Variants in STXBP5 observed in about 807,000 individuals in gnomAD.
STXBP5 encodes syntaxin-binding protein 5.
In STXBP5, 50 loss-of-function variants were observed where a neutral mutation model predicts 152.4. That is an observed-to-expected ratio of 0.33 (90% confidence interval 0.26 to 0.42). The LOEUF is 0.42. STXBP5 is among the 10% of genes least tolerant of loss of function. The pLI, the probability that STXBP5 is intolerant of heterozygous loss-of-function variation, is 1.00. For synonymous variants in STXBP5, 492 were observed against 494.7 expected (o/e 0.99, Z 0.07); for missense variants, 1,167 against 1,388.6 (o/e 0.84, Z 2.54).
chr6:147,335,376 C>T (rs1196590920), intron 19 of STXBP5, among the ~76,000 whole-genome samples: 1 of 152,110 alleles, frequency 6.6e-6, no homozygotes, highest in Admixed American at 6.5e-5. Flanking sequence ...AATGTTCTGA[C>T]TTTCTCATCT....
intron 21 of STXBP5, among the ~76,000 whole-genome samples, chr6:147,342,710 G>A (rs1784148139): frequency 6.6e-6 from 1 of 151,984 alleles, no homozygotes; most frequent in African/African-American, 2.4e-5. Flanking sequence ...AAAGTATAGA[G>A]TTTCACAAAG....
chr6:147,364,335 A>G (rs906902071), intron 25 of STXBP5, among the ~76,000 whole-genome samples, 169 bp downstream of exon 25: 3 of 152,358 alleles, frequency 2.0e-5, no homozygotes, highest in African/African-American at 7.2e-5. Context: ...TCCCATGATT[A>G]AAAGTATCAT....
chr6:147,261,738 T>C (rs1171670413), intron 5 of STXBP5, among the ~76,000 whole-genome samples: 1 of 151,976 alleles, frequency 6.6e-6, no homozygotes, highest in Non-Finnish European at 1.5e-5. Context: ...ATGGCTCTCA[T>C]GAAATGGAGT....
At chr6:147,325,902 CAATT>C (rs1483071588) in intron 17 of STXBP5, among the ~76,000 whole-genome samples, 1 of 151,914 alleles carries the variant, frequency 6.6e-6, no homozygotes, top group African/African-American at 2.4e-5. Context: ...AACAATACAA[CAATT>C]AAAAAAAATT....
At chr6:147,244,062 AAT>A (rs2115236988) in intron 4 of STXBP5, among the ~76,000 whole-genome samples, 1 of 152,288 alleles carries the variant, frequency 6.6e-6, no homozygotes, top group South Asian at 2.1e-4. Flanking sequence ...TTGGGGGAAA[AAT>A]AAAAAGATAA....
At chr6:147,296,604 A>G (rs1781538308) in intron 9 of STXBP5, among the ~76,000 whole-genome samples, 1 of 152,236 alleles carries the variant, frequency 6.6e-6, no homozygotes, top group Non-Finnish European at 1.5e-5. Context: ...CCAGAGGAAC[A>G]CAATAATTCT....
intron 10 of STXBP5, among the ~76,000 whole-genome samples, chr6:147,310,840 A>G (rs1782337013): frequency 1.3e-5 from 2 of 152,172 alleles, no homozygotes; most frequent in African/African-American, 4.8e-5. Context: ...TACTGATTTA[A>G]ATGCTAATCA....
At chr6:147,377,996 A>G (rs895775712) in intron 26 of STXBP5, among the ~76,000 whole-genome samples, 4 of 152,196 alleles carry the variant, frequency 2.6e-5, no homozygotes, top group African/African-American at 4.8e-5. Flanking sequence ...ACGGAATTTA[A>G]TTGTTTTACC....
chr6:147,224,537 G>A (rs867589419), intron 2 of STXBP5, among the ~76,000 whole-genome samples: 5 of 152,184 alleles, frequency 3.3e-5, no homozygotes, highest in East Asian at 1.9e-4. Context: ...TGCAAATGAC[G>A]TTTCACAGAT....
intron 18 of STXBP5, among the ~76,000 whole-genome samples, chr6:147,327,972 T>C (rs1783355420): frequency 6.6e-6 from 1 of 152,188 alleles, no homozygotes; most frequent in African/African-American, 2.4e-5. Context: ...AAAAGGAAAA[T>C]GCAAAAGTAA....
At chr6:147,280,359 A>G (rs1447859455) in intron 8 of STXBP5, among the ~76,000 whole-genome samples, 2 of 152,048 alleles carry the variant, frequency 1.3e-5, no homozygotes, top group African/African-American at 4.8e-5. Flanking sequence ...TCTCAAGTGG[A>G]ACTCGTTTTT....
intron 19 of STXBP5, among the ~76,000 whole-genome samples, chr6:147,336,894 G>T (rs1783850052): frequency 6.6e-6 from 1 of 151,932 alleles, no homozygotes. Flanking sequence ...TCATAATCAA[G>T]ATTTGTGATC....
At chr6:147,259,708 A>C (rs1463033034) in intron 4 of STXBP5, among the ~76,000 whole-genome samples, 1 of 152,160 alleles carries the variant, frequency 6.6e-6, no homozygotes, top group Non-Finnish European at 1.5e-5. Flanking sequence ...TTAAATTATA[A>C]AGTCTTTTCT....
chr6:147,287,875 C>A (rs1356838073), intron 8 of STXBP5, among the ~76,000 whole-genome samples: 1 of 152,068 alleles, frequency 6.6e-6, no homozygotes, highest in Non-Finnish European at 1.5e-5. Flanking sequence ...AAGCTATATT[C>A]TTCAGATTTC....
At position 147,311,518 on chromosome 6, in the gene STXBP5, C is replaced by A. The variant is rs1038220039; in HGVS notation, c.1136C>A (p.Ala379Glu). 2.5e-6 allele frequency: 4 copies of A among 1,609,950 alleles called. No individual in the cohort carries two copies. The African/African-American group carries it at 5.4e-5, about 22-fold the overall frequency. Residue 379 changes from alanine (A) to glutamate (E), a missense_variant, in exon 11 of 28, where the codon GCA becomes GAA. Physicochemically the swap from Ala to Glu is moderately radical, Grantham distance 107. Transcript: ENST00000321680. ...LEKDLVLIDL[A>E]QNGYPIFENP... The stretch of plus-strand genomic sequence containing the variant: ...AAGGATTTAGTACTTATAGACCTTG[C>A]ACAAAATGGGTAAGAAATAAAATTT...
At chr6:147,367,595 G>A (rs897928701) in intron 25 of STXBP5, among the ~76,000 whole-genome samples, 1 of 152,014 alleles carries the variant, frequency 6.6e-6, no homozygotes, top group Non-Finnish European at 1.5e-5. Flanking sequence ...CTGAGATCAC[G>A]CCACTACACT....
In STXBP5 at chr6:147,324,974, A is replaced by G. The variant is rs777462399; in HGVS notation, c.1818A>G (p.Pro606=). The change falls in exon 17 of 28, where the codon CCA becomes CCG. Residue 606 remains proline (P), a synonymous_variant. Transcript: ENST00000321680. ...TTTATTTTAGAGTTAAAAACTCACCACTTAAACAGTCTCCAGGTTATCAAA... is the reference window on the plus strand; with the variant it reads ...TTTATTTTAGAGTTAAAAACTCACCGCTTAAACAGTCTCCAGGTTATCAAA... ...NVPCLKVKNS[P]LKQSPGYQTE... is the part of the protein sequence containing the mutation. 1 of 1,559,990 alleles carries G rather than the reference A, an allele frequency of 6.4e-7. No homozygotes were observed. Among genetic ancestry groups the G allele is most frequent in the Admixed American group, 1.8e-5 (1 of 55,768 alleles).
At chr6:147,352,289 A>C (rs1784622195) in intron 21 of STXBP5, among the ~76,000 whole-genome samples, 2 of 152,254 alleles carry the variant, frequency 1.3e-5, no homozygotes, top group East Asian at 3.8e-4. Context: ...TAATGTAATC[A>C]AATACTTAAA....
Position 147,313,888 on chromosome 6 carries a change from C to A in STXBP5, c.1150C>A (p.Pro384Thr). Residue 384 changes from proline (P) to threonine (T), a missense_variant, in exon 12 of 28, where the codon CCT becomes ACT. Coordinates refer to ENST00000321680, the MANE Select transcript of STXBP5 (RefSeq NM_001127715.4). ...VLIDLAQNGY[P>T]IFENPYPLSI... ...TTTCTTTTTCTGTTGTTAAAGATATCCTATATTTGAAAATCCCTACCCTTT... is the reference window on the plus strand; with the variant it reads ...TTTCTTTTTCTGTTGTTAAAGATATACTATATTTGAAAATCCCTACCCTTT... 3 of 1,522,350 alleles carry A rather than the reference C, an allele frequency of 2.0e-6. No individual in the cohort carries two copies. The highest frequency in any genetic ancestry group is 2.7e-6 in the Non-Finnish European group (3 of 1,117,728). 94.3% of individuals were successfully genotyped at this position (1,522,350 alleles called of 1,614,324 possible). A position where few individuals can be genotyped will look rare whatever the true frequency, so the allele number is the denominator to read the frequency against.
Sources: allele counts gnomAD v4.1 joint callset (sites outside exome capture counted in the v4.1 genomes callset), GRCh38; gene constraint gnomAD v4.1.1; transcripts MANE v1.5; gene names NCBI Gene and HGNC (gene_info 2026-07-23, HGNC 2026-07-21).